TRIP4: variants seen among roughly 807,000 people sequenced by gnomAD.
TRIP4 encodes the protein activating signal cointegrator 1.
A neutral mutation model predicts 81.8 loss-of-function variants in TRIP4; 54 were observed. The observed-to-expected ratio is 0.66, with a 90% CI of 0.53 to 0.83. The LOEUF (loss-of-function observed/expected upper bound fraction) is 0.83, where lower values mean the gene tolerates loss of function less well. TRIP4 is among the 40% of genes least tolerant of loss of function. The probability of loss-of-function intolerance (pLI) is 0.00; values close to 1 mark genes in which losing one functional copy is unlikely to be tolerated. For missense variants in TRIP4, 662 were observed against 683.6 expected, an observed-to-expected ratio of 0.97 and a Z score of 0.35; for synonymous variants, 270 against 242.8, an observed-to-expected ratio of 1.11 and a Z score of -1.04.
intron 11 of TRIP4, among the ~76,000 whole-genome samples, chr15:64,427,907 C>G (rs954008239): frequency 6.6e-6 from 1 of 152,192 alleles, no homozygotes; most frequent in Non-Finnish European, 1.5e-5. Context: ...CACTATCCCT[C>G]TGAGCTTTTT....
Position 64,401,949 on chromosome 15 carries a change from A to T in TRIP4, c.697+1128A>T, listed in dbSNP as rs2140286575. 3.3e-5 allele frequency among the ~76,000 whole-genome samples: 5 copies of T among 152,324 alleles called. No homozygotes were observed. In the Middle Eastern group the frequency reaches 0.014, roughly 414 times the overall value. On this transcript the variant is annotated intron_variant, in intron 5 of 12. Transcript: ENST00000261884. Reference sequence around the variant, plus strand: ...CGTCACAGATCAGAGTAGATTAAGGATATATATGACGACTAATTGCAGTAT... The same window carrying T: ...CGTCACAGATCAGAGTAGATTAAGGTTATATATGACGACTAATTGCAGTAT...
intron 1 of TRIP4, among the ~76,000 whole-genome samples, chr15:64,390,795 T>C (rs1055498247): frequency 1.3e-5 from 2 of 151,444 alleles, no homozygotes. Flanking sequence ...CTCGGGAGGC[T>C]GAGGCAGGAG....
chr15:64,430,979 A>T (rs1340054352), intron 11 of TRIP4, among the ~76,000 whole-genome samples: 1 of 152,092 alleles, frequency 6.6e-6, no homozygotes, highest in East Asian at 1.9e-4. Context: ...AGCAATTTTT[A>T]AAACTTTAAA....
chr15:64,390,909 A>AG (rs1900108387), intron 1 of TRIP4, among the ~76,000 whole-genome samples: 1 of 151,978 alleles, frequency 6.6e-6, no homozygotes, highest in Non-Finnish European at 1.5e-5. Context: ...AAAAAAAAAA[A>AG]TTATATTCCG....
At chr15:64,404,762 A>AT (rs1891586430) in intron 5 of TRIP4, among the ~76,000 whole-genome samples, 6 of 150,512 alleles carry the variant, frequency 4.0e-5, no homozygotes, top group Non-Finnish European at 7.4e-5. Context: ...GCTGGAGTAC[A>AT]TTGGTATGAA....
intron 5 of TRIP4, 21 bp downstream of exon 5, chr15:64,400,842 T>G (rs1392862886): frequency 6.3e-7 from 1 of 1,595,642 alleles, no homozygotes; most frequent in Non-Finnish European, 8.6e-7. Context: ...GTCTTGTAAT[T>G]GGATCACTGG....
chr15:64,389,980 G>T (rs1194989201), intron 1 of TRIP4, among the ~76,000 whole-genome samples: 1 of 149,264 alleles, frequency 6.7e-6, no homozygotes, highest in East Asian at 2.0e-4. Context: ...GGGATTACAG[G>T]CATGAGCCAC....
At chr15:64,412,565 A>G (rs1891790882) in intron 7 of TRIP4, among the ~76,000 whole-genome samples, 1 of 152,262 alleles carries the variant, frequency 6.6e-6, no homozygotes, top group South Asian at 2.1e-4. Flanking sequence ...TTTAAAAAAA[A>G]AAAAAAAGCC....
Position 64,409,684 on chromosome 15 carries a change from A to T in TRIP4, c.899A>T (p.Lys300Ile), listed in dbSNP as rs367814990. The T allele has an allele frequency of 2.5e-6, 4 of 1,614,202 alleles. No homozygotes were observed. Among genetic ancestry groups the T allele is most frequent in the Non-Finnish European group, 3.4e-6 (4 of 1,180,040 alleles). Reference protein sequence around the residue: ...FASDSNQWLSKLERETLQKRE... With the variant: ...FASDSNQWLSILERETLQKRE... ...AGTGATTCTAACCAATGGTTGTCCA[A>T]ACTTGAGCGGGAAACCTTGCAGAAG... Residue 300 changes from lysine to isoleucine, a missense_variant, in exon 7 of 13, where the codon AAA (lysine) becomes ATA (isoleucine). Lys to Ile is a moderately radical substitution (Grantham distance 102). Coordinates refer to ENST00000261884, the MANE Select transcript of TRIP4 (RefSeq NM_016213.5).
chr15:64,390,333 G>A (rs997427231), intron 1 of TRIP4, among the ~76,000 whole-genome samples: 2 of 150,356 alleles, frequency 1.3e-5, no homozygotes, highest in Non-Finnish European at 3.0e-5. Context: ...GTGGTGGAGC[G>A]TGCAGGTCAT....
intron 11 of TRIP4, among the ~76,000 whole-genome samples, chr15:64,432,211 T>C (rs893575486): frequency 1.2e-4 from 18 of 151,966 alleles, no homozygotes; most frequent in East Asian, 1.9e-4. Flanking sequence ...GTTGTACTTA[T>C]CCTGAAGAGA....
At chr15:64,397,411 A>G (rs1413411938) in intron 3 of TRIP4, among the ~76,000 whole-genome samples, 195 bp from the exon 4 acceptor site, 1 of 152,256 alleles carries the variant, frequency 6.6e-6, no homozygotes, top group Non-Finnish European at 1.5e-5. Flanking sequence ...GGTAATTATC[A>G]GCTAGTTTTT....
At chr15:64,420,045 A>T (rs559910594) in intron 9 of TRIP4, among the ~76,000 whole-genome samples, 2 of 151,798 alleles carry the variant, frequency 1.3e-5, no homozygotes, top group Admixed American at 6.6e-5. Flanking sequence ...TGAACTCCTA[A>T]CATCGTGATT....
intron 8 of TRIP4, among the ~76,000 whole-genome samples, chr15:64,415,202 A>G (rs1487473101): frequency 6.6e-6 from 1 of 152,198 alleles, no homozygotes; most frequent in Non-Finnish European, 1.5e-5. Context: ...ACACAAAAAC[A>G]TGGGATATAG....
intron 4 of TRIP4, among the ~76,000 whole-genome samples, chr15:64,399,761 A>G (rs1891445712): frequency 6.6e-6 from 1 of 152,040 alleles, no homozygotes; most frequent in Non-Finnish European, 1.5e-5. Flanking sequence ...TCGGCCTCCC[A>G]AAGTGCTGGG....
intron 11 of TRIP4, among the ~76,000 whole-genome samples, chr15:64,439,012 T>A (rs927939978): frequency 2.0e-5 from 3 of 152,236 alleles, no homozygotes; most frequent in African/African-American, 7.2e-5. Context: ...TGACTTGAAT[T>A]GGGTTACTGG....
intron 9 of TRIP4, among the ~76,000 whole-genome samples, chr15:64,420,401 G>T (rs1166017607): frequency 6.6e-6 from 1 of 152,146 alleles, no homozygotes; most frequent in East Asian, 1.9e-4. Context: ...GATTACAGGT[G>T]TGAGCCAATG....
intron 11 of TRIP4, among the ~76,000 whole-genome samples, chr15:64,434,863 A>T (rs1057168318): frequency 2.6e-5 from 4 of 151,810 alleles, no homozygotes; most frequent in Non-Finnish European, 4.4e-5. Flanking sequence ...TCTGTTCAGG[A>T]CTCCTTGGTT....
intron 5 of TRIP4, among the ~76,000 whole-genome samples, chr15:64,403,092 G>C (rs753449817): frequency 1.3e-5 from 2 of 150,770 alleles, no homozygotes; most frequent in Non-Finnish European, 3.0e-5. Flanking sequence ...TCGATCTCCT[G>C]ACCTTGTGAT....
Sources: gnomAD v4.1 joint callset for allele counts (sites outside exome capture counted in the v4.1 genomes callset) on GRCh38, gnomAD v4.1.1 for gene constraint, MANE v1.5 for transcripts, NCBI Gene and HGNC (gene_info 2026-07-23, HGNC 2026-07-21) for gene names.